Variants in RNF135 observed in about 807,000 individuals in gnomAD.
RNF135 encodes the protein ring finger protein 135, also known as E3 ubiquitin-protein ligase RNF135.
Under a neutral mutation model 41.9 loss-of-function variants are expected in RNF135, and 46 were observed. The observed-to-expected ratio is 1.10, with a 90% CI of 0.87 to 1.40. The LOEUF (loss-of-function observed/expected upper bound fraction) is 1.40, where lower values mean the gene tolerates loss of function less well. RNF135 is among the 40% of genes most tolerant of loss of function. The probability of loss-of-function intolerance (pLI) is 0.00; values close to 1 mark genes in which losing one functional copy is unlikely to be tolerated. For synonymous variants in RNF135, 238 were observed against 223.8 expected (o/e 1.06, Z -0.57); for missense variants, 539 against 549.8 (o/e 0.98, Z 0.20).
At position 30,999,045 on chromosome 17, in the gene RNF135, G is replaced by A; in HGVS notation, c.1153G>A (p.Gly385Arg). ...GGGCATCTGGCTGAACCTTGAGGAG[G>A]GAAAGCTTGCCTTCTATTCAGTGGA... is the stretch of plus-strand genomic sequence containing the variant. ...VVGIWLNLEEGKLAFYSVDNQ... is the reference protein window; with the variant it reads ...VVGIWLNLEERKLAFYSVDNQ... Residue 385 changes from glycine (G) to arginine (R), a missense_variant, in exon 5 of 5, where the codon GGA becomes AGA. Physicochemically the swap from Gly to Arg is moderately radical, Grantham distance 125. This residue lies in a region of RNF135 where 262 missense variants were observed against 336.9 expected (regional missense o/e 0.78). Coordinates refer to ENST00000328381, the MANE Select transcript of RNF135 (RefSeq NM_032322.4). 6.2e-7 allele frequency: 1 copy of A among 1,614,148 alleles called. No individual in the cohort carries two copies. Among genetic ancestry groups the A allele is most frequent in the Non-Finnish European group, 8.5e-7 (1 of 1,180,028 alleles).
chr17:30,969,891 A>G (rs780388114), upstream of RNF135, among the ~76,000 whole-genome samples: 3 of 151,238 alleles, frequency 2.0e-5, no homozygotes, highest in Non-Finnish European at 4.4e-5. Context: ...CAGCCTCCCA[A>G]GTAGCTGGGA....
At chr17:30,974,772 C>T (rs113359411) in intron 1 of RNF135, among the ~76,000 whole-genome samples, 8 of 151,968 alleles carry the variant, frequency 5.3e-5, no homozygotes, top group African/African-American at 9.6e-5. Context: ...CTCCATCTCC[C>T]GGGTTCAAGT....
At chr17:30,987,907 A>C in intron 2 of RNF135, 37 bp from the exon 3 acceptor site, 1 of 1,554,344 alleles carries the variant, frequency 6.4e-7, no homozygotes, top group Non-Finnish European at 8.9e-7. Flanking sequence ...TGCATAGGGG[A>C]CTTCCATTTA....
At chr17:30,997,402 C>T in intron 4 of RNF135, 71 bp downstream of exon 4, 2 of 1,265,380 alleles carry the variant, frequency 1.6e-6, no homozygotes, top group Non-Finnish European at 2.3e-6. Flanking sequence ...ATCCTACATC[C>T]ATCTCCCTAC....
intron 3 of RNF135, among the ~76,000 whole-genome samples, chr17:30,990,653 T>C (rs1907923857): frequency 6.6e-6 from 1 of 152,374 alleles, no homozygotes; most frequent in African/African-American, 2.4e-5. Flanking sequence ...TCAGAATTTA[T>C]TTATGCAAAT....
chr17:30,967,458 TG>T (rs1905595660), upstream of RNF135, among the ~76,000 whole-genome samples: 1 of 152,172 alleles, frequency 6.6e-6, no homozygotes. Context: ...ACTTTTCTTT[TG>T]TTTGACTGCT....
At chr17:30,979,540 C>G (rs1421073515) in intron 1 of RNF135, among the ~76,000 whole-genome samples, 1 of 96,352 alleles carries the variant, frequency 1.0e-5, no homozygotes, top group African/African-American at 3.5e-5. Flanking sequence ...CGACCCCCCC[C>G]CCCCGCCTCC....
intron 1 of RNF135, 108 bp downstream of exon 1, chr17:30,971,553 C>G: frequency 7.3e-7 from 1 of 1,374,914 alleles, no homozygotes; most frequent in Non-Finnish European, 9.3e-7. Flanking sequence ...CTTTTACGTT[C>G]CTTTTCTCAG....
chr17:30,997,123 G>A, intron 3 of RNF135, 119 bp from the exon 4 acceptor site: 2 of 790,904 alleles, frequency 2.5e-6, no homozygotes, highest in Non-Finnish European at 2.2e-6. Flanking sequence ...TCCTGACACT[G>A]AAAAATGTGT....
At chr17:30,991,145 C>T (rs996956473) in intron 3 of RNF135, among the ~76,000 whole-genome samples, 2 of 152,078 alleles carry the variant, frequency 1.3e-5, no homozygotes, top group Non-Finnish European at 2.9e-5. Context: ...AACCTGCCAA[C>T]TGAGTATGTT....
At chr17:30,987,747 ATATTTTTGCTGTACTATG>A (rs1257248055) in intron 2 of RNF135, among the ~76,000 whole-genome samples, 179 bp from the exon 3 acceptor site, 2 of 141,976 alleles carry the variant, frequency 1.4e-5, no homozygotes, top group South Asian at 2.1e-4. Context: ...CCACTCTTTG[ATATTTTTGCTGTACTATG>A]TACAGCAAAT....
At chr17:30,977,770 TGTTG>T (rs1300266098) in intron 1 of RNF135, among the ~76,000 whole-genome samples, 1 of 152,154 alleles carries the variant, frequency 6.6e-6, no homozygotes, top group Non-Finnish European at 1.5e-5. Context: ...GGTTTCACCA[TGTTG>T]GCCAGGCTAG....
chr17:30,983,353 A>ATATATATATATATTTTTT (rs1420453160), intron 1 of RNF135, among the ~76,000 whole-genome samples: 7 of 35,734 alleles, frequency 2.0e-4, no homozygotes, highest in Non-Finnish European at 2.7e-4. Flanking sequence ...ATATATATAT[A>ATATATATATATATTTTTT]TTTTTTTTTT....
At position 30,998,976 on chromosome 17, in the gene RNF135, A is replaced by G. The variant is rs760150965; in HGVS notation, c.1084A>G (p.Met362Val). Reference sequence around the variant, plus strand: ...GACTAGCCAGCTCTCTGCATGGCACATGGTCAAGGAAACTGTCCTTGGCTC... The same window carrying G: ...GACTAGCCAGCTCTCTGCATGGCACGTGGTCAAGGAAACTGTCCTTGGCTC... The part of the protein sequence containing the change: ...KGTSQLSAWH[M>V]VKETVLGSDR... The change falls in exon 5 of 5, where the codon ATG becomes GTG. Residue 362 changes from methionine (M) to valine (V), a missense_variant. Around this residue, in one of 2 missense-constraint regions of RNF135, gnomAD observed 262 missense variants for 336.9 expected, o/e 0.78. Transcript: ENST00000328381. The G allele has an allele frequency of 3.7e-6, 6 of 1,614,148 alleles. No individual in the cohort carries two copies. Among genetic ancestry groups the G allele is most frequent in the Non-Finnish European group, 5.1e-6 (6 of 1,180,016 alleles).
the RNF135 span, among the ~76,000 whole-genome samples, chr17:30,960,628 A>T: frequency 2.0e-5 from 3 of 152,174 alleles, no homozygotes. Context: ...CCCCGTGGCA[A>T]CCATTGATCC....
Position 30,971,423 on chromosome 17 carries a change from G to A in RNF135, c.350G>A (p.Arg117Gln). The change falls in exon 1 of 5, where the codon CGG becomes CAG. Residue 117 changes from arginine (R) to glutamine (Q), a missense_variant. This residue lies in a region of RNF135 where 277 missense variants were observed against 212.8 expected (regional missense o/e 1.30). Transcript: ENST00000328381. ...CTCTCCAGCGCGGCCGCGAGGCCCC[G>A]GCGCCGCCCGGAACTGCAGCGGGTA... is the stretch of plus-strand genomic sequence containing the variant. ...SSLSSAAARP[R>Q]RRPELQRVAV... 4 of 1,515,232 alleles carry A rather than the reference G, an allele frequency of 2.6e-6. No individual in the cohort carries two copies. 93.9% of individuals were successfully genotyped at this position (1,515,232 alleles called of 1,614,324 possible). A position where few individuals can be genotyped will look rare whatever the true frequency, so the allele number is the denominator to read the frequency against.
intron 1 of RNF135, among the ~76,000 whole-genome samples, chr17:30,977,367 T>TTTTTGTTTTG (rs568399698): frequency 5.3e-5 from 8 of 152,026 alleles, no homozygotes; most frequent in African/African-American, 1.9e-4. Flanking sequence ...ACTAGTGAGG[T>TTTTTGTTTTG]TTTTGTTTTG....
rs756882192 is a variant in RNF135, at chr17:30,971,298, C to G, written c.225C>G (p.Asn75Lys). The change falls in exon 1 of 5, where the codon AAC becomes AAG. Residue 75 changes from asparagine to lysine, a missense_variant. This residue lies in a region of RNF135 where 277 missense variants were observed against 212.8 expected (regional missense o/e 1.30). Coordinates refer to ENST00000328381, the MANE Select transcript of RNF135 (RefSeq NM_032322.4). ...CGCAGCAGCCGCACCTGCGGAAGAA[C>G]ACGCTACTGCAGGACCTGGCCGACA... The part of the protein sequence containing the change: ...GAAQQPHLRK[N>K]TLLQDLADKY... 3 of 1,530,502 alleles carry G rather than the reference C, an allele frequency of 2.0e-6. No individual in the cohort carries two copies. The highest frequency in any genetic ancestry group is 1.2e-5 in the South Asian group (1 of 82,828). The allele number at this position is 1,530,502 out of a possible 1,614,324, so 94.8% of individuals were successfully genotyped here. A position where few individuals can be genotyped will look rare whatever the true frequency, so the allele number is the denominator to read the frequency against.
chr17:30,967,944 C>A (rs1335422474), upstream of RNF135, among the ~76,000 whole-genome samples: 1 of 151,946 alleles, frequency 6.6e-6, no homozygotes, highest in African/African-American at 2.4e-5. Context: ...GGATTACAGG[C>A]ATGAGCCACC....
Sources: allele counts gnomAD v4.1 joint callset (sites outside exome capture counted in the v4.1 genomes callset), GRCh38; gene constraint gnomAD v4.1.1; regional missense constraint gnomAD v4.1.1; transcripts MANE v1.5; gene names NCBI Gene and HGNC (gene_info 2026-07-23, HGNC 2026-07-21).